The following SCAF11 variants were observed in gnomAD, a reference collection of about 807,000 sequenced individuals.
SCAF11 encodes SR-related CTD associated factor 11, also known as protein SCAF11.
Under a neutral mutation model 140.5 loss-of-function variants are expected in SCAF11, and 47 were observed. The observed-to-expected ratio is 0.33, with a 90% confidence interval of 0.26 to 0.43. The LOEUF (loss-of-function observed/expected upper bound fraction) is 0.43. Ranked by LOEUF, SCAF11 falls within the 20% of genes least tolerant of loss-of-function variation. The pLI, the probability that SCAF11 is intolerant of heterozygous loss-of-function variation, is 1.00. For synonymous variants in SCAF11, 557 were observed against 579.4 expected, an observed-to-expected ratio of 0.96 and a Z score of 0.55; for missense variants, 1,645 against 1,705.1, an observed-to-expected ratio of 0.96 and a Z score of 0.62.
At chr12:45,935,109 A>G (rs1945140706) in intron 6 of SCAF11, 1 of 152,250 alleles carries the variant, frequency 6.6e-6, no homozygotes, top group Admixed American at 6.5e-5. Flanking sequence ...ACTTGTCCAC[A>G]GTGCATATGA....
intron 1 of SCAF11, among the ~76,000 whole-genome samples, chr12:45,983,416 G>A (rs906981975): frequency 3.3e-5 from 5 of 152,038 alleles, no homozygotes; most frequent in Admixed American, 2.0e-4. Flanking sequence ...AATATACTAC[G>A]TAATGAACTA....
chr12:45,943,491 C>A (rs916361844), intron 6 of SCAF11, among the ~76,000 whole-genome samples: 3 of 152,148 alleles, frequency 2.0e-5, no homozygotes, highest in Non-Finnish European at 1.5e-5. Context: ...TATTATTATT[C>A]ATTATTGTTA....
chr12:45,991,940 C>T (rs1224859078), upstream of SCAF11: 1 of 1,288,738 alleles, frequency 7.8e-7, no homozygotes, highest in African/African-American at 1.5e-5. Flanking sequence ...CGCCTGCCCC[C>T]GTTCTGTTCG....
chr12:45,923,782 A>C (rs1367762169), intron 12 of SCAF11, among the ~76,000 whole-genome samples: 1 of 152,052 alleles, frequency 6.6e-6, no homozygotes, highest in African/African-American at 2.4e-5. Context: ...TACCAGGTTC[A>C]AGTGATTCTT....
At chr12:45,973,253 C>A (rs1379034161) in intron 1 of SCAF11, among the ~76,000 whole-genome samples, 1 of 149,156 alleles carries the variant, frequency 6.7e-6, no homozygotes, top group African/African-American at 2.5e-5. Context: ...TAGAAATTAC[C>A]CAACCTAAAA....
intron 3 of SCAF11, among the ~76,000 whole-genome samples, chr12:45,953,530 T>C (rs1011341663): frequency 2.0e-5 from 3 of 152,156 alleles, no homozygotes; most frequent in Non-Finnish European, 4.4e-5. Flanking sequence ...GGCAACAGAG[T>C]GAGATCCCAT....
intron 3 of SCAF11, among the ~76,000 whole-genome samples, chr12:45,957,849 A>G (rs1945730319): frequency 6.6e-6 from 1 of 152,092 alleles, no homozygotes; most frequent in South Asian, 2.1e-4. Flanking sequence ...TTAAGGGCCA[A>G]ATTTTTAATC....
chr12:45,942,673 G>A (rs1357583414), intron 6 of SCAF11, among the ~76,000 whole-genome samples: 2 of 152,116 alleles, frequency 1.3e-5, no homozygotes, highest in African/African-American at 2.4e-5. Context: ...GATTCCCTGA[G>A]ATATCTTCAT....
chr12:45,935,973 G>A (rs1419137207), intron 6 of SCAF11, among the ~76,000 whole-genome samples: 1 of 152,088 alleles, frequency 6.6e-6, no homozygotes, highest in Admixed American at 6.6e-5. Context: ...AGTAATGCAT[G>A]TACATACTTT....
chr12:45,930,650 T>C (rs1396221241), intron 10 of SCAF11, among the ~76,000 whole-genome samples: 2 of 152,104 alleles, frequency 1.3e-5, no homozygotes, highest in African/African-American at 2.4e-5. Context: ...ACAGCTATGA[T>C]TTAATACTGT....
chr12:45,975,841 C>T (rs1026925428), intron 1 of SCAF11: 5 of 152,050 alleles, frequency 3.3e-5, no homozygotes, highest in Admixed American at 6.6e-5. Flanking sequence ...CTTATATGGG[C>T]GCTCTTCGTG....
chr12:45,923,168 T>A lies in SCAF11; in HGVS notation c.3907-14A>T. 4 of 1,594,000 alleles carry A rather than the reference T, an allele frequency of 2.5e-6. No homozygotes were observed. Among genetic ancestry groups the A allele is most frequent in the Non-Finnish European group, 3.4e-6 (4 of 1,161,968 alleles). The stretch of plus-strand genomic sequence containing the variant: ...ACTAGGAATACCCTGTTTTAAAGAG[T>A]TATCATCAGTTAATGAATTACTTGT... On this transcript the variant is annotated splice_polypyrimidine_tract_variant and intron_variant, in intron 12 of 14. Coordinates refer to ENST00000369367, the MANE Select transcript of SCAF11 (RefSeq NM_004719.3).
intron 1 of SCAF11, among the ~76,000 whole-genome samples, chr12:45,984,674 T>C (rs1195287383): frequency 6.6e-6 from 1 of 152,138 alleles, no homozygotes; most frequent in Non-Finnish European, 1.5e-5. Flanking sequence ...CTGTTTTCTT[T>C]TGACTTGCTC....
intron 4 of SCAF11, among the ~76,000 whole-genome samples, chr12:45,950,606 T>C (rs1945527447): frequency 1.3e-5 from 2 of 152,330 alleles, no homozygotes; most frequent in South Asian, 4.1e-4. Flanking sequence ...TATATTACAC[T>C]TCTATAATGT....
At chr12:45,974,735 T>A (rs896084579) in intron 1 of SCAF11, 2 of 159,552 alleles carry the variant, frequency 1.3e-5, no homozygotes, top group African/African-American at 4.8e-5. Context: ...CTAAAAGTCA[T>A]CCATGAGGGT....
chr12:45,970,957 A>G (rs1172155783), intron 1 of SCAF11, among the ~76,000 whole-genome samples: 1 of 152,206 alleles, frequency 6.6e-6, no homozygotes, highest in Non-Finnish European at 1.5e-5. Flanking sequence ...ATGATCAAAA[A>G]CCTAATTATT....
At chr12:45,990,232 A>C in intron 1 of SCAF11, 121 bp downstream of exon 1, 1 of 1,214,772 alleles carries the variant, frequency 8.2e-7, no homozygotes, top group East Asian at 3.2e-5. Flanking sequence ...CGAGATTCCG[A>C]AACTTTGTCA....
intron 1 of SCAF11, among the ~76,000 whole-genome samples, chr12:45,986,782 A>G (rs1319145892): frequency 6.6e-6 from 1 of 152,014 alleles, no homozygotes. Context: ...ACAAGATCTG[A>G]TGGTTTTAAC....
chr12:45,933,650 A>AAAGCCTAC (rs773668416), intron 8 of SCAF11, among the ~76,000 whole-genome samples: 19 of 152,188 alleles, frequency 1.2e-4, no homozygotes, highest in Admixed American at 2.6e-4. Context: ...CAGCTTTTCA[A>AAAGCCTAC]AAGCCTACTT....
Sources: gnomAD v4.1 joint callset for allele counts (sites outside exome capture counted in the v4.1 genomes callset) on GRCh38, gnomAD v4.1.1 for gene constraint, MANE v1.5 for transcripts, NCBI Gene and HGNC (gene_info 2026-07-23, HGNC 2026-07-21) for gene names.